The following FERMT2 variants were observed in gnomAD, a reference collection of about 807,000 sequenced individuals.
The protein encoded by FERMT2 is fermitin family homolog 2.
In FERMT2, 15 loss-of-function variants were observed where a neutral mutation model predicts 82.7. That is an observed-to-expected ratio of 0.18 (90% CI 0.12 to 0.28). FERMT2 has a LOEUF of 0.28. FERMT2 is among the 10% of genes least tolerant of loss of function. The pLI, the probability that FERMT2 is intolerant of heterozygous loss-of-function variation, is 1.00. For missense variants in FERMT2, 645 were observed against 809.4 expected, an observed-to-expected ratio of 0.80 and a Z score of 2.46; for synonymous variants, 274 against 271.5, an observed-to-expected ratio of 1.01 and a Z score of -0.09.
At chr14:52,868,367 T>C (rs1309296477) in intron 10 of FERMT2, among the ~76,000 whole-genome samples, 1 of 152,082 alleles carries the variant, frequency 6.6e-6, no homozygotes, top group Non-Finnish European at 1.5e-5. Context: ...ATGAAGTCTC[T>C]CCATCCTCAC....
intron 3 of FERMT2, among the ~76,000 whole-genome samples, chr14:52,902,892 C>CAAACAAACAAAAAAAAA (rs1355070805): frequency 3.5e-4 from 13 of 36,772 alleles, no homozygotes; most frequent in Non-Finnish European, 5.5e-4. Context: ...AAAAAAAAAA[C>CAAACAAACAAAAAAAAA]CCCAAAACAC....
chr14:52,927,471 C>T (rs568434977), intron 2 of FERMT2, among the ~76,000 whole-genome samples: 60 of 151,574 alleles, frequency 4.0e-4, no homozygotes, highest in Middle Eastern at 3.4e-3. Context: ...GCTACTAAGA[C>T]GCAATTATTG....
chr14:52,920,255 GGGA>G (rs1888879510), intron 2 of FERMT2, among the ~76,000 whole-genome samples: 1 of 152,100 alleles, frequency 6.6e-6, no homozygotes, highest in Non-Finnish European at 1.5e-5. Context: ...AAAGACTGCT[GGGA>G]TCAACTGTAT....
At chr14:52,945,188 G>A (rs1890274828) in intron 2 of FERMT2, among the ~76,000 whole-genome samples, 2 of 152,002 alleles carry the variant, frequency 1.3e-5, no homozygotes, top group Admixed American at 6.6e-5. Flanking sequence ...TAGGATTACA[G>A]GCGTAAGTTA....
At chr14:52,947,295 C>T (rs559280554) in intron 2 of FERMT2, among the ~76,000 whole-genome samples, 2 of 152,200 alleles carry the variant, frequency 1.3e-5, no homozygotes, top group South Asian at 2.1e-4. Context: ...CCGGTTAACA[C>T]GGTGAAACCC....
chr14:52,908,529 T>C (rs1308646334), intron 3 of FERMT2, among the ~76,000 whole-genome samples: 1 of 152,204 alleles, frequency 6.6e-6, no homozygotes, highest in Non-Finnish European at 1.5e-5. Context: ...AGACACATTA[T>C]GCTAAGTGGA....
At chr14:52,886,252 A>T (rs900763726) in intron 4 of FERMT2, among the ~76,000 whole-genome samples, 1 of 151,946 alleles carries the variant, frequency 6.6e-6, no homozygotes. Flanking sequence ...ATGGAAGTAT[A>T]AACCACAGAA....
At chr14:52,874,253 A>G (rs747902601) in intron 8 of FERMT2, 27 bp from the exon 9 acceptor site, 6 of 1,484,666 alleles carry the variant, frequency 4.0e-6, no homozygotes, top group Admixed American at 2.1e-5. Flanking sequence ...TCCTTTTTTA[A>G]TTTTTTTAAT....
chr14:52,933,709 T>C (rs1288049633), intron 2 of FERMT2, among the ~76,000 whole-genome samples: 2 of 21,128 alleles, frequency 9.5e-5, no homozygotes, highest in African/African-American at 2.0e-4. Flanking sequence ...AAACTCCGTC[T>C]CAAAAAAAAA....
At chr14:52,903,192 T>C (rs902667032) in intron 3 of FERMT2, among the ~76,000 whole-genome samples, 6 of 151,764 alleles carry the variant, frequency 4.0e-5, no homozygotes, top group Non-Finnish European at 1.5e-5. Context: ...ATCCTAAAAG[T>C]TTCCAGTGAG....
intron 2 of FERMT2, among the ~76,000 whole-genome samples, chr14:52,942,275 C>T (rs1381427281): frequency 1.3e-5 from 2 of 151,114 alleles, no homozygotes; most frequent in Non-Finnish European, 2.9e-5. Context: ...TTAATTCTCA[C>T]CAAAACCTGT....
intron 6 of FERMT2, among the ~76,000 whole-genome samples, chr14:52,879,038 G>T (rs957531408): frequency 6.6e-6 from 1 of 152,118 alleles, no homozygotes. Flanking sequence ...TGACATTAAA[G>T]TAAGGCGGAA....
At chr14:52,924,068 G>A (rs570787943) in intron 2 of FERMT2, among the ~76,000 whole-genome samples, 5 of 152,304 alleles carry the variant, frequency 3.3e-5, no homozygotes, top group South Asian at 4.1e-4. Flanking sequence ...AACATCAGAC[G>A]TGCTGAATTC....
Position 52,901,013 on chromosome 14 carries a change from C to T in FERMT2, c.392-7586G>A, listed in dbSNP as rs1299058488. On this transcript the variant is annotated intron_variant, in intron 3 of 14. Coordinates refer to ENST00000341590, the MANE Select transcript of FERMT2 (RefSeq NM_006832.3). ...CAGTGGCTCATGCCTGTAATCCTAG[C>T]ACTTTGGGAGGCCGAGGCGGGCGGA... Among the ~76,000 whole-genome samples, 5 of 148,342 alleles carry T rather than the reference C, an allele frequency of 3.4e-5. No individual in the cohort carries two copies. In the Admixed American group the frequency reaches 3.5e-4, roughly 10 times the overall value.
intron 3 of FERMT2, among the ~76,000 whole-genome samples, chr14:52,905,115 G>T (rs1427684903): frequency 2.6e-5 from 4 of 151,512 alleles, no homozygotes; most frequent in Non-Finnish European, 5.9e-5. Flanking sequence ...CTTGAACCGG[G>T]GAGGCAGAGG....
At chr14:52,909,477 G>C (rs1380237493) in intron 3 of FERMT2, among the ~76,000 whole-genome samples, 1 of 152,156 alleles carries the variant, frequency 6.6e-6, no homozygotes, top group African/African-American at 2.4e-5. Flanking sequence ...GCTCTTATTA[G>C]TTTAAGGCAC....
chr14:52,865,717 CA>C (rs1206120994), intron 10 of FERMT2, among the ~76,000 whole-genome samples: 4 of 152,134 alleles, frequency 2.6e-5, no homozygotes, highest in Non-Finnish European at 5.9e-5. Context: ...CTTGCTTTTT[CA>C]ATTCCTCTTG....
chr14:52,876,550 T>C (rs1282752641), intron 7 of FERMT2, among the ~76,000 whole-genome samples: 1 of 152,212 alleles, frequency 6.6e-6, no homozygotes, highest in Non-Finnish European at 1.5e-5. Context: ...TGGCTGTGAA[T>C]GGGACTTAAA....
intron 2 of FERMT2, among the ~76,000 whole-genome samples, chr14:52,935,900 A>C (rs1401393292): frequency 2.6e-5 from 4 of 152,258 alleles, no homozygotes; most frequent in African/African-American, 9.6e-5. Context: ...ATACTAACTC[A>C]AAGCAGTTAA....
Sources: allele counts gnomAD v4.1 joint callset (sites outside exome capture counted in the v4.1 genomes callset), GRCh38; gene constraint gnomAD v4.1.1; transcripts MANE v1.5; gene names NCBI Gene and HGNC (gene_info 2026-07-23, HGNC 2026-07-21).